The following SLC2A9 variants were observed in gnomAD, a reference collection of about 807,000 sequenced individuals.
SLC2A9 encodes solute carrier family 2, facilitated glucose transporter member 9.
In SLC2A9, 39 loss-of-function variants were observed where a neutral mutation model predicts 50.6. The observed-to-expected ratio is 0.77, with a 90% CI of 0.60 to 1.01. The LOEUF (loss-of-function observed/expected upper bound fraction) is 1.01, where lower values mean the gene tolerates loss of function less well. Ranked by LOEUF, SLC2A9 falls within the 50% of genes least tolerant of loss-of-function variation. The pLI is 0.00. For missense variants in SLC2A9, 686 were observed against 677.6 expected, an observed-to-expected ratio of 1.01 and a Z score of -0.14; for synonymous variants, 324 against 276.9, an observed-to-expected ratio of 1.17 and a Z score of -1.69.
chr4:9,832,252 G>A (rs1440342934), intron 11 of SLC2A9, among the ~76,000 whole-genome samples: 1 of 152,118 alleles, frequency 6.6e-6, no homozygotes, highest in East Asian at 1.9e-4. Flanking sequence ...GGTGGGCTGG[G>A]GTTGGGGGAT....
rs5014939 is a variant in SLC2A9 at position 9,951,629 on chromosome 4, T to A, written c.682-9584A>T. ...ATATGGAATCAGAAAAGTTTATTTT[T>A]AAAAAAACAGTAATCATCTTTAGGA... On this transcript the variant is annotated intron_variant, in intron 5 of 11. Coordinates refer to ENST00000264784, the MANE Select transcript of SLC2A9 (RefSeq NM_020041.3). 3.9e-3 allele frequency among the ~76,000 whole-genome samples: 588 copies of A among 151,604 alleles called. 3 individuals are homozygous for A. The highest frequency in any genetic ancestry group is 0.013 in the African/African-American group (557 of 41,272).
chr4:9,797,526 C>T (rs192021754), downstream of SLC2A9, among the ~76,000 whole-genome samples: 121 of 152,352 alleles, frequency 7.9e-4, no homozygotes, highest in African/African-American at 2.8e-3. Context: ...TCCACACATA[C>T]GCAAGCTCTG....
At chr4:9,857,298 G>A (rs1730882115) in intron 10 of SLC2A9, among the ~76,000 whole-genome samples, 1 of 152,110 alleles carries the variant, frequency 6.6e-6, no homozygotes, top group African/African-American at 2.4e-5. Context: ...TTCATTCAGT[G>A]AACAAAAAGT....
intron 3 of SLC2A9, among the ~76,000 whole-genome samples, chr4:9,793,435 A>G (rs917883467): frequency 6.6e-6 from 1 of 152,250 alleles, no homozygotes; most frequent in South Asian, 2.1e-4. Context: ...TCCAAAGGAC[A>G]TTAGGAGCAC....
chr4:9,998,909 G>C (rs1189558159), intron 2 of SLC2A9, among the ~76,000 whole-genome samples: 2 of 152,050 alleles, frequency 1.3e-5, no homozygotes, highest in Non-Finnish European at 2.9e-5. Context: ...AACATACACA[G>C]TCTGATTCCA....
At chr4:9,864,763 C>T (rs1732177902) in intron 10 of SLC2A9, among the ~76,000 whole-genome samples, 1 of 152,308 alleles carries the variant, frequency 6.6e-6, no homozygotes, top group African/African-American at 2.4e-5. Context: ...ATACTTAGAG[C>T]ATAAAGGATG....
intron 5 of SLC2A9, among the ~76,000 whole-genome samples, chr4:9,954,878 A>G (rs997891744): frequency 8.9e-6 from 1 of 111,954 alleles, no homozygotes; most frequent in African/African-American, 4.5e-5. Context: ...TTATTGGGAA[A>G]GGCAGTCAGT....
intron 5 of SLC2A9, among the ~76,000 whole-genome samples, chr4:9,957,047 G>A (rs943737299): frequency 1.3e-5 from 2 of 152,128 alleles, no homozygotes; most frequent in Non-Finnish European, 2.9e-5. Context: ...AGCAAAGACA[G>A]GGTGAGGGTG....
chr4:9,793,214 A>G (rs1720183031), intron 3 of SLC2A9, among the ~76,000 whole-genome samples: 1 of 152,182 alleles, frequency 6.6e-6, no homozygotes, highest in Admixed American at 6.5e-5. Context: ...CTGTAAGCAA[A>G]TTTGAAATCT....
Position 9,781,904 on chromosome 4 carries a change from G to A in SLC2A9, n.386-1839C>T, listed in dbSNP as rs576892102. On this transcript the variant is annotated intron_variant and non_coding_transcript_variant, in intron 3 of 3. Coordinates refer to the SLC2A9 transcript ENST00000503803. ...CAGCCCGGCGCAGCTCATGGTGAGC[G>A]CCCTCTGGGGCTCGAGGGTCCCTTG... 14 of 818,670 alleles carry A rather than the reference G, an allele frequency of 1.7e-5. No homozygotes were observed. The East Asian group carries it at 3.3e-4, about 19-fold the overall frequency. 50.7% of individuals were successfully genotyped at this position (818,670 alleles called of 1,614,324 possible).
chr4:9,811,573 A>C (rs1471396286), intron 3 of SLC2A9, among the ~76,000 whole-genome samples: 1 of 152,152 alleles, frequency 6.6e-6, no homozygotes, highest in Non-Finnish European at 1.5e-5. Flanking sequence ...CATGTGAATA[A>C]AGCCATTTCA....
chr4:9,910,477 A>G (rs11934363), intron 7 of SLC2A9, among the ~76,000 whole-genome samples: 36,027 of 152,172 alleles, frequency 0.24, 4,847 homozygotes, highest in African/African-American at 0.37. Context: ...GCCTTTCTTA[A>G]TCATCAGCCA....
chr4:10,026,330 C>A (rs1032448786), upstream of SLC2A9, among the ~76,000 whole-genome samples: 4 of 152,124 alleles, frequency 2.6e-5, no homozygotes, highest in South Asian at 2.1e-4. Flanking sequence ...CCTAGTGTCA[C>A]CCATATTTTT....
intron 10 of SLC2A9, among the ~76,000 whole-genome samples, chr4:9,857,348 G>A (rs1238176076): frequency 6.6e-6 from 1 of 152,204 alleles, no homozygotes; most frequent in African/African-American, 2.4e-5. Context: ...GTTGGATACT[G>A]AAGATAGAGC....
chr4:10,004,828 C>T (rs1760479122), intron 2 of SLC2A9, among the ~76,000 whole-genome samples: 1 of 152,172 alleles, frequency 6.6e-6, no homozygotes, highest in Non-Finnish European at 1.5e-5. Flanking sequence ...CTAGAGCTTT[C>T]CTTTTATGTG....
intron 10 of SLC2A9, among the ~76,000 whole-genome samples, chr4:9,871,401 G>C (rs1170775222): frequency 6.6e-6 from 1 of 152,170 alleles, no homozygotes; most frequent in Non-Finnish European, 1.5e-5. Context: ...TCAAGGTGTT[G>C]GCAGAGTTGG....
At chr4:9,821,453 C>A (rs1303883884), downstream of SLC2A9, among the ~76,000 whole-genome samples, 1 of 151,966 alleles carries the variant, frequency 6.6e-6, no homozygotes, top group Non-Finnish European at 1.5e-5. Flanking sequence ...ACAATGAGAA[C>A]ACGTGGACAC....
chr4:9,967,006 G>A (rs753594990), intron 5 of SLC2A9, among the ~76,000 whole-genome samples: 4 of 152,188 alleles, frequency 2.6e-5, no homozygotes, highest in African/African-American at 7.2e-5. Flanking sequence ...ACTCACTAGC[G>A]TCCATTTTCA....
At chr4:9,775,548 G>A (rs1252686660), downstream of SLC2A9, among the ~76,000 whole-genome samples, 1 of 152,010 alleles carries the variant, frequency 6.6e-6, no homozygotes, top group African/African-American at 2.4e-5. Flanking sequence ...TTGACCATGG[G>A]GGTAGATCCC....
Sources: gnomAD v4.1 joint callset for allele counts (sites outside exome capture counted in the v4.1 genomes callset) on GRCh38, gnomAD v4.1.1 for gene constraint, MANE v1.5 for transcripts, NCBI Gene and HGNC (gene_info 2026-07-23, HGNC 2026-07-21) for gene names.